The following GLDC variants were observed in gnomAD, a reference collection of about 807,000 sequenced individuals.
GLDC encodes the protein glycine dehydrogenase (decarboxylating), mitochondrial.
In GLDC, 104 loss-of-function variants were observed where a neutral mutation model predicts 121.3. That is an observed-to-expected ratio of 0.86 (90% CI 0.73 to 1.01). The LOEUF is 1.01. GLDC is among the 50% of genes least tolerant of loss of function. The probability of loss-of-function intolerance (pLI) is 0.00; values close to 1 mark genes in which losing one functional copy is unlikely to be tolerated. For missense variants in GLDC, 1,429 were observed against 1,306.6 expected (o/e 1.09, Z -1.44); for synonymous variants, 546 against 480.6 (o/e 1.14, Z -1.78).
intron 5 of GLDC, chr9:6,606,017 A>C (rs1241430633): frequency 6.3e-6 from 1 of 158,412 alleles, no homozygotes; most frequent in Non-Finnish European, 1.4e-5. Flanking sequence ...ACAAAAAGAA[A>C]ACAAAACGGG....
At chr9:6,542,048 T>G (rs1412244012) in intron 21 of GLDC, 1 of 152,056 alleles carries the variant, frequency 6.6e-6, no homozygotes, top group African/African-American at 2.4e-5. Flanking sequence ...AAGACCATCC[T>G]GGCCAACGTG....
At chr9:6,621,129 C>T (rs1023360129) in intron 2 of GLDC, among the ~76,000 whole-genome samples, 5 of 152,100 alleles carry the variant, frequency 3.3e-5, no homozygotes, top group African/African-American at 9.7e-5. Context: ...AAGATGGCGC[C>T]GCTGCACTCA....
chr9:6,613,577 T>A (rs1469194410), intron 3 of GLDC, among the ~76,000 whole-genome samples: 1 of 152,260 alleles, frequency 6.6e-6, no homozygotes, highest in Non-Finnish European at 1.5e-5. Flanking sequence ...AACTGCTCTA[T>A]GGTATTAAAT....
In GLDC at chr9:6,536,047, T is replaced by A; in HGVS notation, c.2838+17A>T. On this transcript the variant is annotated intron_variant, in intron 23 of 24. Coordinates refer to ENST00000321612, the MANE Select transcript of GLDC (RefSeq NM_000170.3). Reference sequence around the variant, plus strand: ...AGTTTAAGGAACATTTCAAGCAATGTTCCAGGGCCTACGCACCTTCAGCGG... The same window carrying A: ...AGTTTAAGGAACATTTCAAGCAATGATCCAGGGCCTACGCACCTTCAGCGG... 2 of 1,607,020 alleles carry A rather than the reference T, an allele frequency of 1.2e-6. No homozygotes were observed. The highest frequency in any genetic ancestry group is 1.7e-6 in the Non-Finnish European group (2 of 1,174,630).
chr9:6,574,068 G>C (rs1818015886), intron 15 of GLDC, among the ~76,000 whole-genome samples: 1 of 152,162 alleles, frequency 6.6e-6, no homozygotes, highest in Admixed American at 6.5e-5. Context: ...CATAAGTTTA[G>C]TTCCATAATT....
At chr9:6,641,194 C>T (rs913756722) in intron 2 of GLDC, among the ~76,000 whole-genome samples, 3 of 152,212 alleles carry the variant, frequency 2.0e-5, no homozygotes, top group Non-Finnish European at 2.9e-5. Context: ...CTGTCCTATA[C>T]ATGTTAATCC....
At chr9:6,607,493 A>G (rs952543745) in intron 4 of GLDC, among the ~76,000 whole-genome samples, 1 of 151,760 alleles carries the variant, frequency 6.6e-6, no homozygotes, top group African/African-American at 2.4e-5. Context: ...GAGGCAGGAG[A>G]ATTGCTTGAA....
chr9:6,576,251 A>G (rs1405470627), intron 15 of GLDC, among the ~76,000 whole-genome samples: 1 of 152,224 alleles, frequency 6.6e-6, no homozygotes, highest in Non-Finnish European at 1.5e-5. Context: ...AGAAGCCAGC[A>G]GACTTAGTGT....
At position 6,565,354 on chromosome 9, in the gene GLDC, C is replaced by G. The variant is rs772101467; in HGVS notation, c.1926G>C (p.Thr642=). Residue 642 remains threonine, a splice_region_variant and synonymous_variant, in exon 16 of 25, where the codon ACG becomes ACC. Transcript: ENST00000321612. Reference sequence around the variant, plus strand: ...AAGCGCCACCTCCTGCCATACTCACCGTTCTGTGCCCCTCTCCTTTCTGGT... The same window carrying G: ...AAGCGCCACCTCCTGCCATACTCACGGTTCTGTGCCCCTCTCCTTTCTGGT... ...YLNQKGEGHR[T]VCLIPKSAHG... The G allele has an allele frequency of 6.2e-7, 1 of 1,610,506 alleles. No homozygotes were observed. Among genetic ancestry groups the G allele is most frequent in the South Asian group, 1.1e-5 (1 of 91,006 alleles).
At chr9:6,560,542 G>A (rs1259880247) in intron 16 of GLDC, among the ~76,000 whole-genome samples, 1 of 152,198 alleles carries the variant, frequency 6.6e-6, no homozygotes, top group African/African-American at 2.4e-5. Flanking sequence ...TGGAGGCACT[G>A]TCCTCTCTCA....
intron 16 of GLDC, among the ~76,000 whole-genome samples, chr9:6,564,647 T>C (rs1163707507): frequency 6.6e-6 from 1 of 152,174 alleles, no homozygotes; most frequent in East Asian, 1.9e-4. Context: ...GCACTGGCCA[T>C]CAAAATGAAG....
chr9:6,610,580 C>T (rs892055354), intron 3 of GLDC, among the ~76,000 whole-genome samples: 1 of 152,020 alleles, frequency 6.6e-6, no homozygotes, highest in Non-Finnish European at 1.5e-5. Context: ...TTTTCTATCT[C>T]TCTGGTGTTG....
chr9:6,577,575 G>T (rs181093562), intron 15 of GLDC, among the ~76,000 whole-genome samples: 20 of 152,206 alleles, frequency 1.3e-4, no homozygotes, highest in African/African-American at 4.8e-4. Flanking sequence ...TATGATCAAG[G>T]CTTTAAAAAT....
At chr9:6,554,376 G>C (rs1451689714) in intron 19 of GLDC, among the ~76,000 whole-genome samples, 1 of 152,086 alleles carries the variant, frequency 6.6e-6, no homozygotes, top group Admixed American at 6.5e-5. Flanking sequence ...GTTACAATAC[G>C]TATGCTCAGG....
chr9:6,593,828 G>A (rs754717120), intron 9 of GLDC, among the ~76,000 whole-genome samples: 14 of 151,596 alleles, frequency 9.2e-5, no homozygotes, highest in Non-Finnish European at 1.9e-4. Flanking sequence ...GAGTAGCTGG[G>A]ACTACAGGAG....
At chr9:6,640,730 T>G (rs1267810793) in intron 2 of GLDC, among the ~76,000 whole-genome samples, 2 of 152,264 alleles carry the variant, frequency 1.3e-5, no homozygotes, top group South Asian at 2.1e-4. Flanking sequence ...TTCAGTCTAG[T>G]TGCCTTGAGA....
chr9:6,612,866 A>C (rs1563861429), intron 3 of GLDC, among the ~76,000 whole-genome samples: 1 of 152,102 alleles, frequency 6.6e-6, no homozygotes, highest in Non-Finnish European at 1.5e-5. Flanking sequence ...CATCTCAAAA[A>C]ACAAAAAATA....
At chr9:6,547,971 A>AT (rs1188134519) in intron 21 of GLDC, among the ~76,000 whole-genome samples, 1 of 152,080 alleles carries the variant, frequency 6.6e-6, no homozygotes, top group Non-Finnish European at 1.5e-5. Context: ...CTCTACAAAA[A>AT]ATATATATAT....
rs1409242248 is a variant in GLDC at position 6,645,692 on chromosome 9, G to A, written c.-193C>T. On this transcript the variant is annotated 5_prime_UTR_variant, in exon 1 of 25. Coordinates refer to ENST00000321612, the MANE Select transcript of GLDC (RefSeq NM_000170.3). ...CGCTCAACCAAGACACTCGCGCAAA[G>A]TTGTGGCTCCACCCAAGGCACCTGC... The A allele has an allele frequency of 2.9e-6, 1 of 345,536 alleles. No individual in the cohort carries two copies. The highest frequency in any genetic ancestry group is 4.9e-6 in the Non-Finnish European group (1 of 203,436). The allele number at this position is 345,536 out of a possible 1,614,324, so 21.4% of individuals were successfully genotyped here.
Sources: gnomAD v4.1 joint callset for allele counts (sites outside exome capture counted in the v4.1 genomes callset) on GRCh38, gnomAD v4.1.1 for gene constraint, MANE v1.5 for transcripts, NCBI Gene and HGNC (gene_info 2026-07-23, HGNC 2026-07-21) for gene names.